FAAH2: variants seen among roughly 807,000 people sequenced by gnomAD.
FAAH2 encodes fatty-acid amide hydrolase 2.
A neutral mutation model predicts 36.9 loss-of-function variants in FAAH2; 60 were observed. The ratio of observed to expected loss-of-function variants is 1.63; its 90% CI spans 1.32 to 2.02. The LOEUF (loss-of-function observed/expected upper bound fraction) is 2.02, where lower values mean the gene tolerates loss of function less well. Ranked by LOEUF, FAAH2 falls within the 30% of genes most tolerant of loss-of-function variation. FAAH2 has a pLI of 0.00. For missense variants in FAAH2, 689 were observed against 397.5 expected, an observed-to-expected ratio of 1.73 and a Z score of -6.23; for synonymous variants, 214 against 143.8, an observed-to-expected ratio of 1.49 and a Z score of -3.49.
At chrX:57,340,604 T>C (rs1020236547) in intron 4 of FAAH2, among the ~76,000 whole-genome samples, 2 of 112,077 alleles carry the variant, frequency 1.8e-5, no homozygotes, top group African/African-American at 6.5e-5. Context: ...CGGAATGCTA[T>C]TCAGCCATGA....
chrX:57,313,066 G>C (rs1265861736), intron 3 of FAAH2, among the ~76,000 whole-genome samples: 5 of 111,681 alleles, frequency 4.5e-5, no homozygotes, highest in Non-Finnish European at 9.4e-5. Flanking sequence ...AGAAATTAAA[G>C]ACTCACTATG....
the FAAH2 span, among the ~76,000 whole-genome samples, chrX:57,207,113 A>AT: frequency 2.7e-5 from 3 of 109,840 alleles, no homozygotes; most frequent in Non-Finnish European, 5.7e-5. Flanking sequence ...AACCTTGCAA[A>AT]TTTTTTTCTA....
the FAAH2 span, among the ~76,000 whole-genome samples, chrX:57,154,625 G>A: frequency 9.1e-6 from 1 of 110,211 alleles, no homozygotes; most frequent in African/African-American, 3.3e-5. Flanking sequence ...CCTTTCTCTG[G>A]TGCCTCATTG....
At chrX:57,231,070 T>TGTGTGA in the FAAH2 span, among the ~76,000 whole-genome samples, 2 of 107,625 alleles carry the variant, frequency 1.9e-5, no homozygotes, top group African/African-American at 6.7e-5. Context: ...TGTGTGTGAG[T>TGTGTGA]GTGTGTGTGT....
rs1208547810 is a variant in FAAH2 at position 57,391,806 on chromosome X, CT to C, written c.996+10784del. 3.6e-5 allele frequency among the ~76,000 whole-genome samples: 4 copies of C among 110,094 alleles called. No homozygotes were observed. The South Asian group carries it at 1.1e-3, about 31-fold the overall frequency. On this transcript the variant is annotated intron_variant, in intron 7 of 10. Coordinates refer to ENST00000374900, the MANE Select transcript of FAAH2 (RefSeq NM_174912.4). Reference sequence around the variant, plus strand: ...AAAAATTTATTTGGCTCTTCAGGCTCTTTTTTTGTTTTATATGTATTCTAGG... The same window carrying C: ...AAAAATTTATTTGGCTCTTCAGGCTCTTTTTTGTTTTATATGTATTCTAGG...
chrX:57,381,896 C>T (rs973073107), intron 7 of FAAH2, among the ~76,000 whole-genome samples: 4 of 111,491 alleles, frequency 3.6e-5, no homozygotes, highest in Non-Finnish European at 7.5e-5. Context: ...CAAACCACAC[C>T]TATTCCAAAA....
chrX:57,183,787 G>A, the FAAH2 span, among the ~76,000 whole-genome samples: 4 of 111,400 alleles, frequency 3.6e-5, no homozygotes, highest in Admixed American at 9.5e-5. Flanking sequence ...TTTAGGGAAC[G>A]AGGGAAGACA....
the FAAH2 span, among the ~76,000 whole-genome samples, chrX:57,165,865 C>T: frequency 1.9e-4 from 21 of 110,650 alleles, no homozygotes; most frequent in African/African-American, 6.6e-4. Flanking sequence ...TAAGTGAGGA[C>T]AGACACTCCT....
the FAAH2 span, among the ~76,000 whole-genome samples, chrX:57,236,561 G>T: frequency 8.9e-6 from 1 of 111,991 alleles, no homozygotes; most frequent in East Asian, 2.8e-4. Context: ...ATATCTCATT[G>T]TGGTTTTGAT....
chrX:57,262,903 T>A, the FAAH2 span, among the ~76,000 whole-genome samples: 1 of 111,390 alleles, frequency 9.0e-6, no homozygotes, highest in Non-Finnish European at 1.9e-5. Flanking sequence ...TTTGACAAAA[T>A]TCTACATTCA....
the FAAH2 span, among the ~76,000 whole-genome samples, chrX:57,242,057 C>A: frequency 8.9e-6 from 1 of 112,762 alleles, no homozygotes; most frequent in Non-Finnish European, 1.9e-5. Flanking sequence ...CTGCAGAGAG[C>A]AGCGTATCCT....
intron 7 of FAAH2, among the ~76,000 whole-genome samples, chrX:57,419,899 G>C (rs1412240418): frequency 1.8e-5 from 2 of 111,819 alleles, no homozygotes; most frequent in African/African-American, 6.5e-5. Context: ...TTTTGTATAA[G>C]GTGTAAGGAA....
chrX:57,324,190 A>G (rs747301222), intron 3 of FAAH2, among the ~76,000 whole-genome samples: 2 of 111,372 alleles, frequency 1.8e-5, no homozygotes, highest in Admixed American at 9.5e-5. Context: ...GTTCTGTTCC[A>G]TTGGTCTATA....
chrX:57,285,710 G>A (rs2051800094), upstream of FAAH2, among the ~76,000 whole-genome samples: 1 of 111,627 alleles, frequency 9.0e-6, no homozygotes. Flanking sequence ...GGATAGAAGG[G>A]GTTAGGGATG....
chrX:57,378,202 C>T (rs1466364906), intron 5 of FAAH2, among the ~76,000 whole-genome samples: 3 of 112,107 alleles, frequency 2.7e-5, no homozygotes, highest in African/African-American at 9.7e-5. Flanking sequence ...CGGAAAATTG[C>T]AAACAATTTG....
chrX:57,480,501 AGTTT>A (rs1215605448), intron 10 of FAAH2, among the ~76,000 whole-genome samples: 2 of 111,331 alleles, frequency 1.8e-5, no homozygotes, highest in Non-Finnish European at 3.8e-5. Flanking sequence ...TATGAAGCTT[AGTTT>A]GTTTGGATGT....
chrX:57,414,270 G>A (rs2055779405), intron 7 of FAAH2, among the ~76,000 whole-genome samples: 1 of 111,912 alleles, frequency 8.9e-6, no homozygotes, highest in Non-Finnish European at 1.9e-5. Flanking sequence ...GGTGAGAGAG[G>A]GCATCTTTGT....
the FAAH2 span, among the ~76,000 whole-genome samples, chrX:57,239,716 G>A: frequency 1.8e-5 from 2 of 110,977 alleles, no homozygotes; most frequent in Admixed American, 1.9e-4. Context: ...ATATTTCTTG[G>A]AGGTATTGTT....
chrX:57,305,491 A>G (rs767264946), intron 2 of FAAH2, among the ~76,000 whole-genome samples: 3 of 111,522 alleles, frequency 2.7e-5, no homozygotes, highest in South Asian at 7.5e-4. Context: ...TTTAGTCCCA[A>G]TCACCATCAT....
Sources: allele counts gnomAD v4.1 joint callset (sites outside exome capture counted in the v4.1 genomes callset), GRCh38; gene constraint gnomAD v4.1.1; transcripts MANE v1.5; gene names NCBI Gene and HGNC (gene_info 2026-07-23, HGNC 2026-07-21).